HOOK3: variants seen among roughly 807,000 people sequenced by gnomAD.
The protein encoded by HOOK3 is hook microtubule tethering protein 3, also known as protein Hook homolog 3.
Under a neutral mutation model 116.3 loss-of-function variants are expected in HOOK3, and 24 were observed. The observed-to-expected ratio is 0.21, with a 90% CI of 0.15 to 0.29. HOOK3 has a LOEUF of 0.29. Among genes scored for constraint, HOOK3 ranks in the 10% least tolerant of loss-of-function variants. The pLI, the probability that HOOK3 is intolerant of heterozygous loss-of-function variation, is 1.00. For synonymous variants in HOOK3, 275 were observed against 283.0 expected (o/e 0.97, Z 0.28); for missense variants, 632 against 830.2 (o/e 0.76, Z 2.93).
intron 1 of HOOK3, among the ~76,000 whole-genome samples, chr8:42,900,870 A>G (rs1807173239): frequency 6.6e-6 from 1 of 152,262 alleles, no homozygotes; most frequent in Non-Finnish European, 1.5e-5. Flanking sequence ...TAAAACACAG[A>G]TGCCCAGAGT....
chr8:42,903,535 G>A (rs1807238823), intron 1 of HOOK3, among the ~76,000 whole-genome samples: 4 of 150,224 alleles, frequency 2.7e-5, no homozygotes, highest in East Asian at 4.0e-4. Context: ...TAGTAGAGAC[G>A]GGGTTTCACC....
At chr8:42,986,976 G>T (rs1453894856) in intron 15 of HOOK3, among the ~76,000 whole-genome samples, 181 bp downstream of exon 15, 1 of 152,098 alleles carries the variant, frequency 6.6e-6, no homozygotes, top group Non-Finnish European at 1.5e-5. Flanking sequence ...GGGCAACATG[G>T]TGAATGAAAC....
chr8:42,997,490 TA>T, intron 15 of HOOK3, 59 bp from the exon 16 acceptor site: 1 of 987,302 alleles, frequency 1.0e-6, no homozygotes, highest in Non-Finnish European at 1.6e-6. Flanking sequence ...TATGACAACC[TA>T]GGGAAAAAAG....
chr8:42,946,534 C>T (rs1808229763), intron 5 of HOOK3, among the ~76,000 whole-genome samples: 1 of 151,542 alleles, frequency 6.6e-6, no homozygotes, highest in South Asian at 2.1e-4. Flanking sequence ...TTTTTTAAGC[C>T]CAAAGGTTTT....
At chr8:42,903,848 C>G (rs1563287195) in intron 1 of HOOK3, among the ~76,000 whole-genome samples, 1 of 151,460 alleles carries the variant, frequency 6.6e-6, no homozygotes, top group African/African-American at 2.4e-5. Flanking sequence ...CCCAGCTACT[C>G]GGGGGGCTGA....
chr8:42,942,421 C>T (rs1384622375), intron 4 of HOOK3, among the ~76,000 whole-genome samples: 1 of 152,204 alleles, frequency 6.6e-6, no homozygotes, highest in Admixed American at 6.5e-5. Flanking sequence ...GGTTGAATGT[C>T]ACCAGCACCT....
chr8:42,908,465 A>G (rs1051924025), intron 2 of HOOK3, among the ~76,000 whole-genome samples: 1 of 152,250 alleles, frequency 6.6e-6, no homozygotes, highest in African/African-American at 2.4e-5. Flanking sequence ...AATAGACACA[A>G]TGACCAGTGG....
intron 11 of HOOK3, among the ~76,000 whole-genome samples, chr8:42,970,464 A>G (rs1284055392): frequency 1.3e-5 from 2 of 152,130 alleles, no homozygotes; most frequent in Non-Finnish European, 2.9e-5. Context: ...ACTGTCGATC[A>G]ATTTGGGGAG....
At chr8:42,945,009 T>C (rs1276283957) in intron 5 of HOOK3, among the ~76,000 whole-genome samples, 1 of 152,112 alleles carries the variant, frequency 6.6e-6, no homozygotes, top group Non-Finnish European at 1.5e-5. Context: ...TACGTTGAAA[T>C]ATGAGATTAA....
rs2058836792 is a variant in HOOK3 at position 43,022,699 on chromosome 8, T to G, written c.*4201T>G. 5.5e-6 allele frequency: 1 copy of G among 180,908 alleles called. No homozygotes were observed. Among genetic ancestry groups the G allele is most frequent in the South Asian group, 2.0e-4 (1 of 5,070 alleles). The allele number at this position is 180,908 out of a possible 1,614,324, so 11.2% of individuals were successfully genotyped here. On this transcript the variant is annotated 3_prime_UTR_variant, in exon 22 of 22. Transcript: ENST00000307602. Reference sequence around the variant, plus strand: ...TCATATCTTTTACCATTTGTCTATTTGATAGTAATGCAGAAAAAAGTCCCT... The same window carrying G: ...TCATATCTTTTACCATTTGTCTATTGGATAGTAATGCAGAAAAAAGTCCCT...
chr8:43,007,016 A>ATTTTTTTTTTTTTTTTTTTTT (rs58609523), intron 17 of HOOK3, among the ~76,000 whole-genome samples: 3 of 103,278 alleles, frequency 2.9e-5, no homozygotes, highest in African/African-American at 4.3e-5. Flanking sequence ...AAGTTCCTAG[A>ATTTTTTTTTTTTTTTTTTTTT]TTTTTTTTTT....
chr8:42,985,594 T>G (rs1465938331), intron 14 of HOOK3, among the ~76,000 whole-genome samples: 2 of 152,162 alleles, frequency 1.3e-5, no homozygotes, highest in Non-Finnish European at 2.9e-5. Flanking sequence ...TTCCGTACAA[T>G]GTATGTGTTT....
chr8:42,926,916 C>A (rs1807776933), intron 3 of HOOK3, among the ~76,000 whole-genome samples: 1 of 152,196 alleles, frequency 6.6e-6, no homozygotes, highest in African/African-American at 2.4e-5. Flanking sequence ...ACCCCTAATC[C>A]CGTGCAACCC....
intron 11 of HOOK3, among the ~76,000 whole-genome samples, chr8:42,969,682 G>A (rs1394040481): frequency 6.6e-6 from 1 of 152,110 alleles, no homozygotes; most frequent in Non-Finnish European, 1.5e-5. Context: ...AGTAAAATTT[G>A]CCAATTAGAT....
intron 13 of HOOK3, among the ~76,000 whole-genome samples, chr8:42,979,077 T>C (rs1808883712): frequency 6.6e-6 from 1 of 152,072 alleles, no homozygotes. Flanking sequence ...GGCCAACACA[T>C]TGAGACTCCA....
At position 43,012,062 on chromosome 8, in the gene HOOK3, C is replaced by T. The variant is rs74817814; in HGVS notation, c.1840-989C>T. On this transcript the variant is annotated intron_variant, in intron 19 of 21. Transcript: ENST00000307602. Reference sequence around the variant, plus strand: ...CAGTCAGGACCCTCTCCCCAAAGTACGTATCTGATCAGAGACAGAAGTCTA... The same window carrying T: ...CAGTCAGGACCCTCTCCCCAAAGTATGTATCTGATCAGAGACAGAAGTCTA... Among the ~76,000 whole-genome samples, 903 of 152,202 alleles carry T rather than the reference C, an allele frequency of 5.9e-3. 7 individuals carry two copies. Among genetic ancestry groups the T allele is most frequent in the African/African-American group, 0.021 (860 of 41,526 alleles).
chr8:43,028,162 CA>C lies in HOOK3; in HGVS notation c.*9665del. ...TTTATAAATCATTTCTTAATATCTT[CA>C]GTGTTTTTTCCCTTTTTATGTAAAC... is the stretch of plus-strand genomic sequence containing the variant. On this transcript the variant is annotated 3_prime_UTR_variant, in exon 22 of 22. Transcript: ENST00000307602. 1.1e-5 allele frequency: 2 copies of C among 183,890 alleles called. No homozygotes were observed. The highest frequency in any genetic ancestry group is 1.8e-4 in the East Asian group (2 of 11,298). The allele number at this position is 183,890 out of a possible 1,614,324, so 11.4% of individuals were successfully genotyped here.
intron 4 of HOOK3, among the ~76,000 whole-genome samples, chr8:42,930,971 T>A (rs1300598922): frequency 6.6e-6 from 1 of 152,224 alleles, no homozygotes; most frequent in Non-Finnish European, 1.5e-5. Flanking sequence ...GCATTATTTT[T>A]AAAAATTTAA....
chr8:43,014,639 G>A (rs1050609934), intron 21 of HOOK3, among the ~76,000 whole-genome samples: 17 of 151,896 alleles, frequency 1.1e-4, no homozygotes, highest in Non-Finnish European at 1.6e-4. Flanking sequence ...GTGAGCCACC[G>A]CACCCAGCCC....
Sources: gnomAD v4.1 joint callset for allele counts (sites outside exome capture counted in the v4.1 genomes callset) on GRCh38, gnomAD v4.1.1 for gene constraint, MANE v1.5 for transcripts, NCBI Gene and HGNC (gene_info 2026-07-23, HGNC 2026-07-21) for gene names.